The following LSAMP variants were observed in gnomAD, a reference collection of about 807,000 sequenced individuals.
The protein encoded by LSAMP is limbic system associated membrane protein.
Under a neutral mutation model 38.6 loss-of-function variants are expected in LSAMP, and 7 were observed. The observed-to-expected ratio is 0.18, with a 90% CI of 0.10 to 0.34. The LOEUF (loss-of-function observed/expected upper bound fraction) is 0.34. LSAMP is among the 10% of genes least tolerant of loss of function. LSAMP has a pLI of 1.00. For synonymous variants in LSAMP, 154 were observed against 166.8 expected (o/e 0.92, Z 0.59); for missense variants, 313 against 420.0 (o/e 0.75, Z 2.23).
chr3:115,883,248 TTGGGTTAG>T (rs1229674466), intron 3 of LSAMP, among the ~76,000 whole-genome samples: 1 of 151,964 alleles, frequency 6.6e-6, no homozygotes, highest in Non-Finnish European at 1.5e-5. Context: ...TAGAACACAT[TTGGGTTAG>T]AGAACAGGGA....
chr3:116,342,135 T>C (rs1353446812), intron 1 of LSAMP, among the ~76,000 whole-genome samples: 1 of 152,082 alleles, frequency 6.6e-6, no homozygotes, highest in African/African-American at 2.4e-5. Context: ...AATAGTCCTT[T>C]ATTTGCCATG....
At chr3:116,248,477 A>ATGTGTGTGTGTGTGTGTG (rs3028670) in intron 1 of LSAMP, among the ~76,000 whole-genome samples, 23 of 141,072 alleles carry the variant, frequency 1.6e-4, no homozygotes, top group African/African-American at 5.9e-4. Flanking sequence ...CCTGTCTCTA[A>ATGTGTGTGTGTGTGTGTG]TGTGTGTGTG....
At chr3:116,147,818 A>G (rs903038215) in intron 1 of LSAMP, among the ~76,000 whole-genome samples, 7 of 151,888 alleles carry the variant, frequency 4.6e-5, no homozygotes, top group Admixed American at 4.6e-4. Context: ...CATGATTTCT[A>G]TGTTTTGAGC....
intron 1 of LSAMP, among the ~76,000 whole-genome samples, chr3:116,161,436 T>G (rs1409313642): frequency 6.6e-6 from 1 of 152,196 alleles, no homozygotes; most frequent in Non-Finnish European, 1.5e-5. Context: ...TAACTCCATT[T>G]ATTTGTACTT....
chr3:116,213,311 G>C (rs1324944555), intron 1 of LSAMP, among the ~76,000 whole-genome samples: 1 of 152,178 alleles, frequency 6.6e-6, no homozygotes, highest in Non-Finnish European at 1.5e-5. Context: ...TGCTGGTCTT[G>C]TGATAGTGAA....
intron 1 of LSAMP, among the ~76,000 whole-genome samples, chr3:116,109,583 C>T (rs945237235): frequency 2.0e-5 from 3 of 152,124 alleles, no homozygotes; most frequent in African/African-American, 7.2e-5. Flanking sequence ...ATATTTAGAT[C>T]TTGTAGGATG....
chr3:116,168,514 C>T (rs1217161532), intron 1 of LSAMP, among the ~76,000 whole-genome samples: 1 of 152,176 alleles, frequency 6.6e-6, no homozygotes, highest in Non-Finnish European at 1.5e-5. Flanking sequence ...TGTTTACAAC[C>T]TCTAAGAATG....
At chr3:116,235,703 T>A (rs1576451281) in intron 1 of LSAMP, among the ~76,000 whole-genome samples, 1 of 152,186 alleles carries the variant, frequency 6.6e-6, no homozygotes, top group Non-Finnish European at 1.5e-5. Context: ...AAAAAGCATA[T>A]TTTTCTCTGA....
At chr3:115,860,110 G>A (rs1383357627) in intron 3 of LSAMP, among the ~76,000 whole-genome samples, 1 of 152,226 alleles carries the variant, frequency 6.6e-6, no homozygotes, top group African/African-American at 2.4e-5. Context: ...CCTATTAAAA[G>A]TTTAAGAAAT....
intron 1 of LSAMP, among the ~76,000 whole-genome samples, chr3:116,164,663 T>TAA (rs1391193954): frequency 7.5e-6 from 1 of 132,848 alleles, no homozygotes; most frequent in Non-Finnish European, 1.6e-5. Context: ...TATATATATA[T>TAA]AATCCAAATA....
chr3:116,086,416 T>A lies in LSAMP; in HGVS notation c.296A>T (p.Gln99Leu). 1 of 1,614,122 alleles carries A rather than the reference T, an allele frequency of 6.2e-7. No individual in the cohort carries two copies. Among genetic ancestry groups the A allele is most frequent in the Non-Finnish European group, 8.5e-7 (1 of 1,180,000 alleles). Residue 99 changes from glutamine to leucine, a missense_variant, in exon 2 of 7, where the codon CAG becomes CTG. Gln to Leu is a moderately radical substitution (Grantham distance 113, BLOSUM62 -2). Transcript: ENST00000490035. Reference sequence around the variant, plus strand: ...ACCCTCATCATAGACATCCACCTTCTGGATTCGGAGGCTGTATTCCAGAGA... The same window carrying A: ...ACCCTCATCATAGACATCCACCTTCAGGATTCGGAGGCTGTATTCCAGAGA... ...RHSLEYSLRIQKVDVYDEGSY... is the reference protein window; with the variant it reads ...RHSLEYSLRILKVDVYDEGSY...
At chr3:116,013,115 C>G (rs748745052) in intron 3 of LSAMP, among the ~76,000 whole-genome samples, 2 of 152,312 alleles carry the variant, frequency 1.3e-5, no homozygotes, top group East Asian at 3.9e-4. Flanking sequence ...TAGGCTGATT[C>G]ACTTCTCTTC....
At chr3:115,953,404 TAC>T (rs71616336) in intron 3 of LSAMP, among the ~76,000 whole-genome samples, 75,419 of 143,486 alleles carry the variant, frequency 0.53, 20,563 homozygotes, top group South Asian at 0.73. Context: ...GTAGTGTGCG[TAC>T]ACACACACAC....
At chr3:116,222,719 CCTTTTTTTTTTTTTT>C (rs2046301790) in intron 1 of LSAMP, among the ~76,000 whole-genome samples, 1 of 104,512 alleles carries the variant, frequency 9.6e-6, no homozygotes, top group South Asian at 2.9e-4. Flanking sequence ...TTCATCCTCT[CCTTTTTTTTTTTTTT>C]TTTTTTTTTT....
chr3:116,308,982 A>G (rs375078497), intron 1 of LSAMP, among the ~76,000 whole-genome samples: 43 of 152,214 alleles, frequency 2.8e-4, no homozygotes, highest in Middle Eastern at 3.4e-3. Context: ...AACATTAAGG[A>G]CAACTTTTCA....
At chr3:116,034,544 A>G (rs1446028651) in intron 2 of LSAMP, among the ~76,000 whole-genome samples, 1 of 152,126 alleles carries the variant, frequency 6.6e-6, no homozygotes, top group East Asian at 1.9e-4. Flanking sequence ...CTAGTTTGAT[A>G]TGGCTTTTCA....
intron 1 of LSAMP, among the ~76,000 whole-genome samples, 163 bp downstream of exon 1, chr3:116,444,714 G>GACACACACACACACACCACAC (rs2049481660): frequency 6.8e-6 from 1 of 147,130 alleles, no homozygotes; most frequent in Non-Finnish European, 1.5e-5. Context: ...GTAAAACAGG[G>GACACACACACACACACCACAC]ACACACACAC....
At chr3:116,291,123 C>A (rs1478975797) in intron 1 of LSAMP, among the ~76,000 whole-genome samples, 1 of 152,186 alleles carries the variant, frequency 6.6e-6, no homozygotes. Flanking sequence ...TCCTCTTTGT[C>A]TCCTTACCCC....
At chr3:115,991,819 G>A (rs1353159943) in intron 3 of LSAMP, among the ~76,000 whole-genome samples, 3 of 152,094 alleles carry the variant, frequency 2.0e-5, no homozygotes, top group African/African-American at 7.2e-5. Context: ...TGCACTGCAG[G>A]TTGCTAAATG....
Sources: gnomAD v4.1 joint callset for allele counts (sites outside exome capture counted in the v4.1 genomes callset) on GRCh38, gnomAD v4.1.1 for gene constraint, MANE v1.5 for transcripts, NCBI Gene and HGNC (gene_info 2026-07-23, HGNC 2026-07-21) for gene names.